Variants in L3MBTL4 observed in about 807,000 individuals in gnomAD.
The protein encoded by L3MBTL4 is L3MBTL histone methyl-lysine binding protein 4.
In L3MBTL4, 70 loss-of-function variants were observed where a neutral mutation model predicts 84.5. The observed-to-expected ratio is 0.83, with a 90% CI of 0.68 to 1.01. The LOEUF (loss-of-function observed/expected upper bound fraction) is 1.01. Among genes scored for constraint, L3MBTL4 ranks in the 50% least tolerant of loss-of-function variants. The pLI, the probability that L3MBTL4 is intolerant of heterozygous loss-of-function variation, is 0.00. For synonymous variants in L3MBTL4, 274 were observed against 259.8 expected (o/e 1.05, Z -0.52); for missense variants, 715 against 754.8 (o/e 0.95, Z 0.62).
At chr18:6,073,242 A>G (rs1483367757) in intron 16 of L3MBTL4, among the ~76,000 whole-genome samples, 1 of 151,864 alleles carries the variant, frequency 6.6e-6, no homozygotes, top group Non-Finnish European at 1.5e-5. Flanking sequence ...ATGAAAAAGG[A>G]ACATAACTAT....
intron 12 of L3MBTL4, among the ~76,000 whole-genome samples, chr18:6,177,010 C>T (rs2044253179): frequency 6.6e-6 from 1 of 152,208 alleles, no homozygotes; most frequent in South Asian, 2.1e-4. Flanking sequence ...GGCTGTGGAG[C>T]TCCTGAAGCA....
At chr18:6,064,996 T>C (rs902151824) in intron 16 of L3MBTL4, among the ~76,000 whole-genome samples, 4 of 152,136 alleles carry the variant, frequency 2.6e-5, no homozygotes, top group Non-Finnish European at 5.9e-5. Flanking sequence ...TTACCTTATA[T>C]GGCTTTTGTT....
At chr18:6,009,866 T>C (rs988531380) in intron 16 of L3MBTL4, among the ~76,000 whole-genome samples, 12 of 152,076 alleles carry the variant, frequency 7.9e-5, no homozygotes, top group Admixed American at 7.2e-4. Flanking sequence ...TTTAAATCAA[T>C]CTAATTTGGT....
chr18:6,395,978 T>C (rs2055253474), intron 1 of L3MBTL4: 1 of 151,926 alleles, frequency 6.6e-6, no homozygotes, highest in African/African-American at 2.4e-5. Context: ...TTTTCTTCCA[T>C]CCAGGGTTAA....
chr18:6,400,779 TG>T (rs2055477745), intron 1 of L3MBTL4, among the ~76,000 whole-genome samples: 1 of 152,032 alleles, frequency 6.6e-6, no homozygotes, highest in African/African-American at 2.4e-5. Context: ...ATCAAGAAAA[TG>T]GCTTCATGCT....
intron 1 of L3MBTL4, among the ~76,000 whole-genome samples, chr18:6,328,326 G>A (rs957191712): frequency 5.3e-5 from 8 of 152,122 alleles, no homozygotes; most frequent in African/African-American, 1.9e-4. Flanking sequence ...GCTGGTAGCA[G>A]AGCTAGAACT....
At chr18:6,261,579 C>T (rs1435837141) in intron 5 of L3MBTL4, among the ~76,000 whole-genome samples, 3 of 152,148 alleles carry the variant, frequency 2.0e-5, no homozygotes, top group Admixed American at 1.3e-4. Flanking sequence ...TTTTGTCATC[C>T]CTCTATAAAG....
chr18:6,344,192 C>A (rs1409474087), intron 1 of L3MBTL4, among the ~76,000 whole-genome samples: 1 of 151,898 alleles, frequency 6.6e-6, no homozygotes, highest in Non-Finnish European at 1.5e-5. Flanking sequence ...TAAATAAAAT[C>A]ATAAATGAAA....
intron 16 of L3MBTL4, chr18:6,030,419 T>C (rs1023152167): frequency 3.0e-6 from 3 of 984,874 alleles, no homozygotes; most frequent in African/African-American, 3.5e-5. Context: ...CATATATACA[T>C]CTTCTGACTT....
chr18:6,005,713 C>T (rs1230466111), intron 16 of L3MBTL4, among the ~76,000 whole-genome samples: 1 of 151,946 alleles, frequency 6.6e-6, no homozygotes, highest in East Asian at 1.9e-4. Flanking sequence ...GTATATGTAC[C>T]ACATCGTCTT....
intron 13 of L3MBTL4, among the ~76,000 whole-genome samples, chr18:6,143,091 T>C (rs934558709): frequency 3.3e-5 from 5 of 152,188 alleles, no homozygotes; most frequent in Non-Finnish European, 5.9e-5. Flanking sequence ...CTCCATCAGC[T>C]AACCCAGATG....
chr18:6,375,885 A>G (rs894850127), intron 1 of L3MBTL4, among the ~76,000 whole-genome samples: 1 of 152,240 alleles, frequency 6.6e-6, no homozygotes, highest in African/African-American at 2.4e-5. Flanking sequence ...AGGCAAAAGC[A>G]CAAACTCAGG....
At chr18:6,364,322 A>G (rs1214752764) in intron 1 of L3MBTL4, among the ~76,000 whole-genome samples, 2 of 152,014 alleles carry the variant, frequency 1.3e-5, no homozygotes, top group African/African-American at 2.4e-5. Context: ...AAACTAATAA[A>G]TATTCTTAAT....
chr18:6,249,066 C>T (rs1386643179), intron 5 of L3MBTL4, among the ~76,000 whole-genome samples: 1 of 152,170 alleles, frequency 6.6e-6, no homozygotes, highest in South Asian at 2.1e-4. Flanking sequence ...GTTTAACTCT[C>T]CCAGCCTTCT....
chr18:6,385,176 A>C (rs1021226162), intron 1 of L3MBTL4, among the ~76,000 whole-genome samples: 2 of 152,066 alleles, frequency 1.3e-5, no homozygotes, highest in African/African-American at 4.8e-5. Context: ...CCAGGGTGGG[A>C]GAATTGCTGG....
chr18:6,058,829 A>G (rs2057110899), intron 16 of L3MBTL4, among the ~76,000 whole-genome samples: 1 of 152,234 alleles, frequency 6.6e-6, no homozygotes, highest in African/African-American at 2.4e-5. Flanking sequence ...GATACCGGGA[A>G]TAAGGTGAAG....
chr18:6,138,133 C>T (rs1374733250), intron 14 of L3MBTL4, 61 bp downstream of exon 14: 3 of 1,133,770 alleles, frequency 2.6e-6, no homozygotes, highest in Non-Finnish European at 3.9e-6. Flanking sequence ...CTCCATGTAG[C>T]TGCTAATCTG....
At chr18:6,357,335 C>T (rs1488448537) in intron 1 of L3MBTL4, among the ~76,000 whole-genome samples, 1 of 152,092 alleles carries the variant, frequency 6.6e-6, no homozygotes, top group Admixed American at 6.6e-5. Context: ...TTGGGTGGAA[C>T]TTCAGAAGAA....
At chr18:6,320,162 A>T (rs2051329371) in intron 1 of L3MBTL4, among the ~76,000 whole-genome samples, 2 of 152,130 alleles carry the variant, frequency 1.3e-5, no homozygotes, top group South Asian at 4.1e-4. Flanking sequence ...AACAAGAGCC[A>T]TGTATGACAT....
Sources: allele counts gnomAD v4.1 joint callset (sites outside exome capture counted in the v4.1 genomes callset), GRCh38; gene constraint gnomAD v4.1.1; transcripts MANE v1.5; gene names NCBI Gene and HGNC (gene_info 2026-07-23, HGNC 2026-07-21).